Variants in MARCHF1 observed in about 807,000 individuals in gnomAD.
The protein encoded by MARCHF1 is E3 ubiquitin-protein ligase MARCHF1.
MARCHF1 carries 40 observed loss-of-function variants against 54.2 expected under a neutral mutation model. The observed-to-expected ratio is 0.74, with a 90% CI of 0.57 to 0.96. The LOEUF (loss-of-function observed/expected upper bound fraction) is 0.96. Ranked by LOEUF, MARCHF1 falls within the 40% of genes least tolerant of loss-of-function variation. MARCHF1 has a pLI of 0.00. For synonymous variants in MARCHF1, 236 were observed against 236.3 expected, an observed-to-expected ratio of 1.00 and a Z score of 0.01; for missense variants, 586 against 656.5, an observed-to-expected ratio of 0.89 and a Z score of 1.17.
intron 4 of MARCHF1, among the ~76,000 whole-genome samples, chr4:163,762,689 T>A (rs190804854): frequency 6.6e-6 from 1 of 152,250 alleles, no homozygotes; most frequent in Non-Finnish European, 1.5e-5. Context: ...TAATTAGTAA[T>A]CAAAAATTTA....
chr4:163,726,630 C>T, intron 4 of MARCHF1, among the ~76,000 whole-genome samples: 1 of 152,168 alleles, frequency 6.6e-6, no homozygotes, highest in East Asian at 1.9e-4. Context: ...TCCAAAGAAG[C>T]ACAATTACTA....
At chr4:164,012,435 C>A (rs1579459826) in intron 2 of MARCHF1, among the ~76,000 whole-genome samples, 1 of 152,076 alleles carries the variant, frequency 6.6e-6, no homozygotes, top group East Asian at 1.9e-4. Flanking sequence ...ATAGATCTAC[C>A]TTTGGTCAGA....
intron 5 of MARCHF1, among the ~76,000 whole-genome samples, chr4:163,682,466 G>T (rs1002389751): frequency 5.9e-5 from 9 of 152,292 alleles, no homozygotes; most frequent in Middle Eastern, 3.4e-3. Flanking sequence ...TAGAGGCCTG[G>T]GGGGAGAAAT....
intron 3 of MARCHF1, among the ~76,000 whole-genome samples, chr4:163,888,068 G>GGATGTCT (rs1266940674): frequency 1.3e-5 from 2 of 152,178 alleles, no homozygotes; most frequent in African/African-American, 4.8e-5. Flanking sequence ...TGTGAAAATA[G>GGATGTCT]GATGTCTGCG....
intron 1 of MARCHF1, among the ~76,000 whole-genome samples, chr4:164,142,301 A>G (rs2321367): frequency 0.76 from 115,130 of 151,864 alleles, 44,263 homozygotes; most frequent in Non-Finnish European, 0.82. Context: ...CTGGAAGCTC[A>G]AACTGGGTGG....
intron 5 of MARCHF1, among the ~76,000 whole-genome samples, chr4:163,664,661 A>G (rs1312421483): frequency 6.6e-6 from 1 of 152,066 alleles, no homozygotes; most frequent in Non-Finnish European, 1.5e-5. Context: ...GGGTCAATTT[A>G]TCTAGTGGAC....
rs1250467355 is a variant in MARCHF1, at chr4:164,040,363, ATACT to A, written c.-247-51658_-247-51655del. ...TACTTATATACTTAGTTCTTATTAA[ATACT>A]TACATATTCTATATAAGTATTTATA... On this transcript the variant is annotated intron_variant, in intron 2 of 9. Coordinates refer to ENST00000514618, the MANE Select transcript of MARCHF1 (RefSeq NM_001394959.1). Among the ~76,000 whole-genome samples the A allele has an allele frequency of 4.5e-3, 565 of 126,332 alleles. 6 individuals are homozygous for A. Among genetic ancestry groups the A allele is most frequent in the African/African-American group, 0.015 (516 of 33,298 alleles). 82.9% of individuals were successfully genotyped at this position (126,332 alleles called of 152,430 possible). A position where few individuals can be genotyped will look rare whatever the true frequency, so the allele number is the denominator to read the frequency against.
chr4:163,723,846 A>G (rs1477994667), intron 4 of MARCHF1, among the ~76,000 whole-genome samples: 1 of 152,174 alleles, frequency 6.6e-6, no homozygotes, highest in Admixed American at 6.5e-5. Context: ...TTTGTCACGT[A>G]GTTCTTGTGC....
At chr4:163,863,739 C>T (rs957981532) in intron 3 of MARCHF1, among the ~76,000 whole-genome samples, 3 of 151,852 alleles carry the variant, frequency 2.0e-5, no homozygotes, top group Admixed American at 2.0e-4. Context: ...GTAAAAGGAA[C>T]CAGGGCTGCT....
chr4:164,147,805 T>G (rs1451017531), intron 1 of MARCHF1, among the ~76,000 whole-genome samples: 1 of 146,082 alleles, frequency 6.8e-6, no homozygotes, highest in East Asian at 2.0e-4. Flanking sequence ...ACATGTACCC[T>G]AAAACTTAAA....
At chr4:163,587,347 G>T (rs1395066448) in intron 7 of MARCHF1, among the ~76,000 whole-genome samples, 3 of 152,070 alleles carry the variant, frequency 2.0e-5, no homozygotes, top group Non-Finnish European at 4.4e-5. Flanking sequence ...ATTCACCATG[G>T]CAAAGACATA....
chr4:163,725,291 C>A (rs183227785), intron 4 of MARCHF1, among the ~76,000 whole-genome samples: 75 of 152,074 alleles, frequency 4.9e-4, no homozygotes, highest in Non-Finnish European at 8.1e-4. Flanking sequence ...GTGTGGGCAA[C>A]ATGGTGAAAC....
chr4:163,826,357 T>C (rs78730791), intron 4 of MARCHF1, among the ~76,000 whole-genome samples: 4,035 of 152,098 alleles, frequency 0.027, 70 homozygotes, highest in East Asian at 0.073. Context: ...TTCCTTTTGG[T>C]TTAGAAAGAA....
At chr4:163,975,858 T>C (rs1257659874) in intron 3 of MARCHF1, among the ~76,000 whole-genome samples, 2 of 152,112 alleles carry the variant, frequency 1.3e-5, no homozygotes, top group African/African-American at 4.8e-5. Flanking sequence ...ACAAACTGGA[T>C]TATAAGTTGA....
At chr4:163,760,631 C>A (rs1361881250) in intron 4 of MARCHF1, among the ~76,000 whole-genome samples, 1 of 152,144 alleles carries the variant, frequency 6.6e-6, no homozygotes, top group Admixed American at 6.5e-5. Flanking sequence ...ACTGGAGATA[C>A]AATTTGCATT....
chr4:163,838,477 G>A (rs1371480064), intron 4 of MARCHF1, among the ~76,000 whole-genome samples: 1 of 151,870 alleles, frequency 6.6e-6, no homozygotes, highest in Non-Finnish European at 1.5e-5. Context: ...GGAACCCATG[G>A]ATATGGAAAA....
At chr4:164,165,631 T>C (rs553028378) in intron 1 of MARCHF1, among the ~76,000 whole-genome samples, 11 of 152,106 alleles carry the variant, frequency 7.2e-5, no homozygotes, top group African/African-American at 2.6e-4. Flanking sequence ...AGTTGGTGCC[T>C]GGTGAAGGTA....
intron 1 of MARCHF1, among the ~76,000 whole-genome samples, chr4:164,172,948 TCCAG>T (rs1730567800): frequency 7.1e-6 from 1 of 140,486 alleles, no homozygotes; most frequent in East Asian, 2.1e-4. Flanking sequence ...GCCACTGCAC[TCCAG>T]CCTGGGCTAC....
intron 1 of MARCHF1, among the ~76,000 whole-genome samples, chr4:164,359,022 T>C (rs1730646733): frequency 6.6e-6 from 1 of 152,186 alleles, no homozygotes; most frequent in African/African-American, 2.4e-5. Context: ...CTCTTATTAC[T>C]CTGAAAAAAC....
Sources: allele counts gnomAD v4.1 joint callset (sites outside exome capture counted in the v4.1 genomes callset), GRCh38; gene constraint gnomAD v4.1.1; transcripts MANE v1.5; gene names NCBI Gene and HGNC (gene_info 2026-07-23, HGNC 2026-07-21).